The following RIT2 variants were observed in gnomAD, a reference collection of about 807,000 sequenced individuals.
The protein encoded by RIT2 is Ras like without CAAX 2.
In RIT2, 24 loss-of-function variants were observed where a neutral mutation model predicts 23.7. The observed-to-expected ratio is 1.01, with a 90% CI of 0.73 to 1.43. The LOEUF (loss-of-function observed/expected upper bound fraction) is 1.43, where lower values mean the gene tolerates loss of function less well. Among genes scored for constraint, RIT2 ranks in the 40% most tolerant of loss-of-function variants. The pLI is 0.00. For missense variants in RIT2, 236 were observed against 266.9 expected, an observed-to-expected ratio of 0.88 and a Z score of 0.81; for synonymous variants, 107 against 91.1, an observed-to-expected ratio of 1.17 and a Z score of -0.99.
At chr18:42,884,229 C>A (rs1907964465) in intron 4 of RIT2, among the ~76,000 whole-genome samples, 1 of 152,188 alleles carries the variant, frequency 6.6e-6, no homozygotes, top group South Asian at 2.1e-4. Context: ...TAAATATATT[C>A]TAAGGTTGCT....
At chr18:42,980,630 C>G (rs749775116) in intron 2 of RIT2, among the ~76,000 whole-genome samples, 7 of 152,140 alleles carry the variant, frequency 4.6e-5, no homozygotes, top group African/African-American at 1.7e-4. Flanking sequence ...CAGTGACTAA[C>G]ATGCTTGTCA....
chr18:43,066,399 T>C (rs1912771235), intron 1 of RIT2, among the ~76,000 whole-genome samples: 2 of 152,174 alleles, frequency 1.3e-5, no homozygotes. Flanking sequence ...TATAGGCAAT[T>C]GCACACCATT....
chr18:42,938,324 G>A (rs1909512993), intron 3 of RIT2, among the ~76,000 whole-genome samples: 1 of 152,174 alleles, frequency 6.6e-6, no homozygotes, highest in Admixed American at 6.5e-5. Flanking sequence ...TCTGCAATGA[G>A]ACCGAACAAG....
intron 4 of RIT2, among the ~76,000 whole-genome samples, chr18:42,922,183 C>T (rs1323010094): frequency 2.0e-5 from 3 of 152,102 alleles, no homozygotes; most frequent in South Asian, 2.1e-4. Flanking sequence ...CATAGAAATA[C>T]GTTCCCGGTT....
intron 4 of RIT2, among the ~76,000 whole-genome samples, chr18:42,755,580 A>G (rs926796375): frequency 1.3e-5 from 2 of 152,104 alleles, no homozygotes; most frequent in African/African-American, 4.8e-5. Context: ...CATCTCACTA[A>G]TTTGCCTATA....
intron 4 of RIT2, among the ~76,000 whole-genome samples, chr18:42,800,622 C>T (rs1399339516): frequency 1.3e-5 from 2 of 151,870 alleles, no homozygotes; most frequent in Non-Finnish European, 1.5e-5. Flanking sequence ...CTCCACCTCC[C>T]GGGTTCACGC....
intron 1 of RIT2, among the ~76,000 whole-genome samples, chr18:43,108,753 T>G (rs577849476): frequency 2.0e-5 from 3 of 152,322 alleles, no homozygotes; most frequent in Admixed American, 1.3e-4. Context: ...CTGAGCCTTA[T>G]TTAGACCTCT....
chr18:43,009,484 G>A (rs1237851203), intron 2 of RIT2, among the ~76,000 whole-genome samples: 2 of 151,780 alleles, frequency 1.3e-5, no homozygotes. Flanking sequence ...CAATACAAAT[G>A]GAGAAGAAAA....
At chr18:42,878,161 G>C (rs900617975) in intron 4 of RIT2, among the ~76,000 whole-genome samples, 9 of 150,732 alleles carry the variant, frequency 6.0e-5, no homozygotes, top group Non-Finnish European at 1.2e-4. Context: ...GCAAGGGTTG[G>C]GGCACTGACC....
intron 4 of RIT2, among the ~76,000 whole-genome samples, chr18:42,866,613 AT>A (rs990617742): frequency 6.6e-6 from 1 of 150,830 alleles, no homozygotes; most frequent in African/African-American, 2.4e-5. Context: ...CATGATAATT[AT>A]TTTAATATTC....
At chr18:43,009,966 C>T (rs1911315061) in intron 2 of RIT2, among the ~76,000 whole-genome samples, 1 of 151,760 alleles carries the variant, frequency 6.6e-6, no homozygotes, top group South Asian at 2.1e-4. Context: ...AATTAACTCT[C>T]CCAGCTAGTG....
At chr18:43,091,604 G>C (rs1913424838) in intron 1 of RIT2, among the ~76,000 whole-genome samples, 1 of 151,974 alleles carries the variant, frequency 6.6e-6, no homozygotes, top group South Asian at 2.1e-4. Flanking sequence ...GATTTCCTAT[G>C]AGCCACATGT....
chr18:42,836,502 C>A (rs554254674), intron 4 of RIT2, among the ~76,000 whole-genome samples: 3 of 152,188 alleles, frequency 2.0e-5, no homozygotes, highest in African/African-American at 7.2e-5. Context: ...AAAAGGAGGT[C>A]AACAGGCAAA....
At chr18:42,994,726 A>C (rs910310721) in intron 2 of RIT2, among the ~76,000 whole-genome samples, 1 of 152,096 alleles carries the variant, frequency 6.6e-6, no homozygotes, top group South Asian at 2.1e-4. Flanking sequence ...GCTGGCCATC[A>C]TGTCTCCACG....
At chr18:42,886,601 G>T (rs1908028766) in intron 4 of RIT2, among the ~76,000 whole-genome samples, 1 of 152,214 alleles carries the variant, frequency 6.6e-6, no homozygotes, top group African/African-American at 2.4e-5. Flanking sequence ...CACATAAGTT[G>T]TACTGCCTTT....
chr18:43,038,620 T>C (rs1007059718), intron 1 of RIT2, among the ~76,000 whole-genome samples: 2 of 152,156 alleles, frequency 1.3e-5, no homozygotes, highest in Admixed American at 1.3e-4. Context: ...TATTTCTGTT[T>C]CTGAGTTTTT....
At position 43,059,847 on chromosome 18, in the gene RIT2, T is replaced by C. The variant is rs975975798; in HGVS notation, c.104-25980A>G. 4.0e-4 allele frequency among the ~76,000 whole-genome samples: 61 copies of C among 152,102 alleles called. 1 individual carries two copies. Among genetic ancestry groups the C allele is most frequent in the Non-Finnish European group, 1.6e-4 (11 of 68,002 alleles). On this transcript the variant is annotated intron_variant, in intron 1 of 4. Transcript: ENST00000326695. ...CTTTAGCTTTTGTTTAACATGCTTA[T>C]GGATCAATTAACTAGCAGGTTCTGG...
At chr18:42,929,245 C>T (rs895816895) in intron 3 of RIT2, among the ~76,000 whole-genome samples, 2 of 151,724 alleles carry the variant, frequency 1.3e-5, no homozygotes, top group Non-Finnish European at 2.9e-5. Flanking sequence ...GCACTGATTG[C>T]TGAAGGCAAT....
intron 3 of RIT2, among the ~76,000 whole-genome samples, chr18:42,945,120 A>C (rs1909696794): frequency 6.6e-6 from 1 of 152,118 alleles, no homozygotes; most frequent in Admixed American, 6.6e-5. Flanking sequence ...GAAAGAAATT[A>C]ATTACATTAA....
Sources: gnomAD v4.1 joint callset for allele counts (sites outside exome capture counted in the v4.1 genomes callset) on GRCh38, gnomAD v4.1.1 for gene constraint, MANE v1.5 for transcripts, NCBI Gene and HGNC (gene_info 2026-07-23, HGNC 2026-07-21) for gene names.